KIF15: variants seen among roughly 807,000 people sequenced by gnomAD.
KIF15 encodes kinesin-like protein KIF15.
Under a neutral mutation model 190.6 loss-of-function variants are expected in KIF15, and 140 were observed. The ratio of observed to expected loss-of-function variants is 0.73; its 90% CI spans 0.64 to 0.84. KIF15 has a LOEUF of 0.84. KIF15 is among the 40% of genes least tolerant of loss of function. The pLI, the probability that KIF15 is intolerant of heterozygous loss-of-function variation, is 0.00. For synonymous variants in KIF15, 528 were observed against 551.3 expected (o/e 0.96, Z 0.59); for missense variants, 1,372 against 1,584.4 (o/e 0.87, Z 2.28).
chr3:44,792,574 A>G (rs1706764564), intron 7 of KIF15, among the ~76,000 whole-genome samples: 1 of 149,564 alleles, frequency 6.7e-6, no homozygotes, highest in Non-Finnish European at 1.5e-5. Flanking sequence ...GTGATGAGAC[A>G]GAGTCTCTGT....
chr3:44,840,183 T>A (rs1402534475), intron 27 of KIF15, among the ~76,000 whole-genome samples, 172 bp from the exon 28 acceptor site: 1 of 152,258 alleles, frequency 6.6e-6, no homozygotes, highest in African/African-American at 2.4e-5. Context: ...TCACCAACAC[T>A]TAACTTTCAT....
chr3:44,810,479 G>A (rs1394393474), intron 16 of KIF15, among the ~76,000 whole-genome samples: 4 of 151,708 alleles, frequency 2.6e-5, no homozygotes, highest in Non-Finnish European at 4.4e-5. Context: ...GCCTGGTCTT[G>A]GACTCCTGGC....
At chr3:44,785,791 A>C (rs1706374065) in intron 6 of KIF15, among the ~76,000 whole-genome samples, 1 of 152,208 alleles carries the variant, frequency 6.6e-6, no homozygotes, top group South Asian at 2.1e-4. Context: ...CAAATATATA[A>C]GACAGACAAA....
intron 6 of KIF15, chr3:44,863,064 T>C (rs888527113): frequency 2.6e-5 from 4 of 152,092 alleles, no homozygotes; most frequent in East Asian, 1.9e-4. Flanking sequence ...CAACGCAAAT[T>C]TGCAAATTTA....
chr3:44,826,424 C>T lies in KIF15; in HGVS notation c.2750C>T (p.Ser917Leu). Residue 917 changes from serine (S) to leucine (L), a missense_variant, in exon 22 of 35, where the codon TCA becomes TTA. Transcript: ENST00000326047. ...EAEKERNNKL[S>L]LQFEEDKENS... ...GAAAAAGAACGCAATAACAAATTAT[C>T]ATTACAGTTTGAAGAAGATAAAGAA... 2 of 1,612,818 alleles carry T rather than the reference C, an allele frequency of 1.2e-6. No individual in the cohort carries two copies. The highest frequency in any genetic ancestry group is 1.7e-6 in the Non-Finnish European group (2 of 1,179,260).
At chr3:44,817,530 T>C (rs527751124) in intron 20 of KIF15, among the ~76,000 whole-genome samples, 1 of 152,342 alleles carries the variant, frequency 6.6e-6, no homozygotes, top group Admixed American at 6.5e-5. Flanking sequence ...TTCTCAGGTT[T>C]GTCAAAGATC....
At chr3:44,823,045 A>G (rs1036552126) in intron 20 of KIF15, among the ~76,000 whole-genome samples, 3 of 151,998 alleles carry the variant, frequency 2.0e-5, no homozygotes, top group South Asian at 2.1e-4. Flanking sequence ...GCTTTGTTCT[A>G]TTGCTGGTGA....
Position 44,805,080 on chromosome 3 carries a change from A to G in KIF15, c.1741A>G (p.Thr581Ala). Residue 581 changes from threonine to alanine, a missense_variant, in exon 15 of 35, where the codon ACT (threonine) becomes GCT (alanine). Coordinates refer to ENST00000326047, the MANE Select transcript of KIF15 (RefSeq NM_020242.3). ...AQKEPCLFANTEKLKAQLLQI... is the reference protein window; with the variant it reads ...AQKEPCLFANAEKLKAQLLQI... ...GAAAGAGCCATGTTTGTTTGCAAAC[A>G]CTGAGAAGTTAAAAGCACAACTCCT... The G allele has an allele frequency of 6.2e-7, 1 of 1,614,130 alleles. No homozygotes were observed. The highest frequency in any genetic ancestry group is 8.5e-7 in the Non-Finnish European group (1 of 1,179,994).
At chr3:44,804,540 G>A (rs190579208) in intron 14 of KIF15, among the ~76,000 whole-genome samples, 54 of 152,248 alleles carry the variant, frequency 3.5e-4, no homozygotes, top group African/African-American at 1.1e-3. Context: ...CTAGCATTAG[G>A]CGTGCCACAC....
At chr3:44,837,350 T>G (rs1698371342) in intron 26 of KIF15, among the ~76,000 whole-genome samples, 1 of 152,152 alleles carries the variant, frequency 6.6e-6, no homozygotes, top group Admixed American at 6.5e-5. Flanking sequence ...TTTTAAAAAT[T>G]CAGCCTAAAG....
chr3:44,848,488 T>C (rs780607213), intron 31 of KIF15, 33 bp from the exon 32 acceptor site: 1 of 943,054 alleles, frequency 1.1e-6, no homozygotes, highest in South Asian at 1.5e-5. Context: ...ACCTAAGCAA[T>C]CTTTTTATTT....
intron 26 of KIF15, among the ~76,000 whole-genome samples, chr3:44,833,020 A>G (rs1698146155): frequency 6.6e-6 from 1 of 151,922 alleles, no homozygotes; most frequent in African/African-American, 2.4e-5. Flanking sequence ...AAAAAAAAAA[A>G]AAAAAAAAGA....
chr3:44,796,835 T>C (rs1707011307), intron 8 of KIF15, among the ~76,000 whole-genome samples: 1 of 152,188 alleles, frequency 6.6e-6, no homozygotes, highest in Admixed American at 6.5e-5. Flanking sequence ...CTTTGGGGGC[T>C]GTATGGGTGA....
chr3:44,847,960 C>G (rs772604391), intron 30 of KIF15, 25 bp from the exon 31 acceptor site: 14 of 1,550,236 alleles, frequency 9.0e-6, no homozygotes, highest in Non-Finnish European at 1.2e-5. Flanking sequence ...CCTATGCCTC[C>G]TCCCACCCCT....
chr3:44,847,208 GT>G (rs1172330980), intron 30 of KIF15, among the ~76,000 whole-genome samples: 1 of 152,126 alleles, frequency 6.6e-6, no homozygotes, highest in Non-Finnish European at 1.5e-5. Context: ...TGTAGCTTCT[GT>G]TTTCCTTCAA....
intron 16 of KIF15, among the ~76,000 whole-genome samples, chr3:44,807,706 G>A (rs768682468): frequency 2.8e-4 from 42 of 151,996 alleles, no homozygotes; most frequent in Non-Finnish European, 5.4e-4. Flanking sequence ...GTGTGTGTGT[G>A]TGTGTGTGTG....
chr3:44,852,067 A>G, intron 33 of KIF15, 115 bp downstream of exon 33: 6 of 1,436,548 alleles, frequency 4.2e-6, no homozygotes, highest in Non-Finnish European at 5.7e-6. Flanking sequence ...GCTTTATTGT[A>G]TGAAGAGTTG....
At chr3:44,839,280 G>A (rs1476958197) in intron 27 of KIF15, among the ~76,000 whole-genome samples, 1 of 151,988 alleles carries the variant, frequency 6.6e-6, no homozygotes, top group Non-Finnish European at 1.5e-5. Context: ...GGCTGAGGCA[G>A]GAGAATGGTG....
At chr3:44,864,166 G>T in intron 6 of KIF15, 1 of 1,612,424 alleles carries the variant, frequency 6.2e-7, no homozygotes, top group African/African-American at 1.3e-5. Context: ...GCCCAGGGTG[G>T]ACGTGGCTGC....
Sources: allele counts gnomAD v4.1 joint callset (sites outside exome capture counted in the v4.1 genomes callset), GRCh38; gene constraint gnomAD v4.1.1; transcripts MANE v1.5; gene names NCBI Gene and HGNC (gene_info 2026-07-23, HGNC 2026-07-21).